USP34: variants seen among roughly 807,000 people sequenced by gnomAD.
The protein encoded by USP34 is ubiquitin carboxyl-terminal hydrolase 34.
In USP34, 70 loss-of-function variants were observed where a neutral mutation model predicts 460.3. The observed-to-expected ratio is 0.15, with a 90% CI of 0.13 to 0.19. The LOEUF is 0.19. USP34 is among the 10% of genes least tolerant of loss of function. The pLI is 1.00. For missense variants in USP34, 3,985 were observed against 4,236.2 expected (o/e 0.94, Z 1.65); for synonymous variants, 1,647 against 1,405.3 (o/e 1.17, Z -3.85).
intron 33 of USP34, among the ~76,000 whole-genome samples, chr2:61,292,046 T>C (rs974114220): frequency 2.6e-5 from 4 of 152,156 alleles, no homozygotes; most frequent in Admixed American, 1.3e-4. Context: ...ATAATGATGG[T>C]TGCCTAGGGC....
At position 61,325,311 on chromosome 2, in the gene USP34, A is replaced by T; in HGVS notation, c.3013+64T>A. 4 of 1,130,570 alleles carry T rather than the reference A, an allele frequency of 3.5e-6. No individual in the cohort carries two copies. The South Asian group carries it at 6.2e-5, about 18-fold the overall frequency. The allele number at this position is 1,130,570 out of a possible 1,614,324, so 70.0% of individuals were successfully genotyped here. ...AAAAAACTGCAGAAATCAGAAGCAA[A>T]AGTAAATTTAGTTCTTCCAATAGTC... is the stretch of plus-strand genomic sequence containing the variant. On this transcript the variant is annotated intron_variant, in intron 21 of 79. Transcript: ENST00000398571.
intron 1 of USP34, among the ~76,000 whole-genome samples, chr2:61,454,646 T>C (rs575383522): frequency 6.6e-6 from 1 of 152,080 alleles, no homozygotes; most frequent in South Asian, 2.1e-4. Context: ...GCCTCCCAAG[T>C]TCAAGTGATT....
chr2:61,385,843 C>T (rs1165497354), intron 5 of USP34, among the ~76,000 whole-genome samples: 1 of 150,262 alleles, frequency 6.7e-6, no homozygotes, highest in Non-Finnish European at 1.5e-5. Flanking sequence ...AACACAAAAA[C>T]AAATGAGCCA....
At chr2:61,204,798 TCATTTGGAAA>T (rs1244576314) in intron 72 of USP34, among the ~76,000 whole-genome samples, 197 bp from the exon 73 acceptor site, 1 of 152,202 alleles carries the variant, frequency 6.6e-6, no homozygotes, top group Non-Finnish European at 1.5e-5. Context: ...CAATAGGGCA[TCATTTGGAAA>T]CAAAAGATTA....
In USP34 at chr2:61,229,676, G is replaced by T. The variant is rs191884228; in HGVS notation, c.7114-43C>A. ...GATCAAACAAGAGCCAACTCATCAG[G>T]TAACAAAGATTTGAAAAATTAACAT... On this transcript the variant is annotated intron_variant, in intron 58 of 79. Coordinates refer to ENST00000398571, the MANE Select transcript of USP34 (RefSeq NM_014709.4). The T allele has an allele frequency of 7.2e-6, 11 of 1,517,310 alleles. No homozygotes were observed. The Admixed American group carries it at 2.1e-4, about 29-fold the overall frequency. The allele number at this position is 1,517,310 out of a possible 1,614,324, so 94.0% of individuals were successfully genotyped here.
chr2:61,308,382 A>G (rs1347058239), intron 27 of USP34, among the ~76,000 whole-genome samples: 3 of 152,166 alleles, frequency 2.0e-5, no homozygotes, highest in African/African-American at 7.2e-5. Context: ...TAGAAATGAA[A>G]AACTCAGTAG....
chr2:61,461,294 G>A (rs184412971), intron 1 of USP34, among the ~76,000 whole-genome samples: 35 of 151,966 alleles, frequency 2.3e-4, no homozygotes, highest in Admixed American at 1.8e-3. Flanking sequence ...TCGGGAGTCT[G>A]AGGCAGGAGA....
At chr2:61,340,443 T>C (rs916171299) in intron 16 of USP34, among the ~76,000 whole-genome samples, 3 of 152,208 alleles carry the variant, frequency 2.0e-5, no homozygotes, top group Admixed American at 1.3e-4. Flanking sequence ...CACTGAGTCA[T>C]AAGGTATTAT....
At chr2:61,308,078 CAGAA>C (rs1690469711) in intron 27 of USP34, among the ~76,000 whole-genome samples, 1 of 151,576 alleles carries the variant, frequency 6.6e-6, no homozygotes, top group East Asian at 1.9e-4. Context: ...AACAAAGTAA[CAGAA>C]AGAAAGGGGG....
At chr2:61,464,930 T>C (rs1695717582) in intron 1 of USP34, among the ~76,000 whole-genome samples, 1 of 152,046 alleles carries the variant, frequency 6.6e-6, no homozygotes, top group African/African-American at 2.4e-5. Context: ...CAAAAGCAGT[T>C]ATCAGACAAA....
intron 76 of USP34, among the ~76,000 whole-genome samples, chr2:61,192,509 G>A (rs890097322): frequency 3.9e-5 from 6 of 152,202 alleles, no homozygotes; most frequent in Non-Finnish European, 8.8e-5. Flanking sequence ...ACTGCTGACA[G>A]GGTTTCTGCT....
At chr2:61,459,246 C>A (rs1695526929) in intron 1 of USP34, among the ~76,000 whole-genome samples, 1 of 152,068 alleles carries the variant, frequency 6.6e-6, no homozygotes, top group African/African-American at 2.4e-5. Flanking sequence ...GAAATAAGCA[C>A]AACTAAATTC....
At chr2:61,190,168 G>T in intron 78 of USP34, 103 bp downstream of exon 78, 1 of 1,465,892 alleles carries the variant, frequency 6.8e-7, no homozygotes, top group Non-Finnish European at 9.1e-7. Flanking sequence ...TTAAGAGTTT[G>T]AATCAGTAAG....
In USP34 at chr2:61,223,176, A is replaced by G; in HGVS notation, c.7645-12T>C. On this transcript the variant is annotated splice_polypyrimidine_tract_variant and intron_variant, in intron 63 of 79. Transcript: ENST00000398571. ...AAGAAGGGAAATCCCTGTCAAAAGC[A>G]AAAGTTGTTCATTTAAGAACCGTTA... The G allele has an allele frequency of 6.2e-7, 1 of 1,613,492 alleles. No individual in the cohort carries two copies. Among genetic ancestry groups the G allele is most frequent in the East Asian group, 2.2e-5 (1 of 44,858 alleles).
chr2:61,417,719 C>A, intron 2 of USP34, among the ~76,000 whole-genome samples: 1 of 130,758 alleles, frequency 7.6e-6, no homozygotes, highest in African/African-American at 2.8e-5. Context: ...ATACTAAAAT[C>A]TTTTTTTTTT....
chr2:61,251,938 G>A lies in USP34; in HGVS notation c.6222-3255C>T, dbSNP rs77454745. On this transcript the variant is annotated intron_variant, in intron 48 of 79. Transcript: ENST00000398571. ...TGTTTCATCTTTCCGTACTCAATTCGGTTGTTAAATAAACATTTTAATTTG... is the reference window on the plus strand; with the variant it reads ...TGTTTCATCTTTCCGTACTCAATTCAGTTGTTAAATAAACATTTTAATTTG... Among the ~76,000 whole-genome samples the A allele has an allele frequency of 4.6e-4, 70 of 151,344 alleles. 1 individual carries two copies. The East Asian group carries it at 0.013, about 27-fold the overall frequency.
intron 15 of USP34, 150 bp from the exon 16 acceptor site, chr2:61,344,179 A>C (rs1181769180): frequency 5.8e-6 from 4 of 691,822 alleles, no homozygotes; most frequent in Admixed American, 3.0e-5. Flanking sequence ...GAGCTTTACG[A>C]AACTGAAAAC....
intron 20 of USP34, among the ~76,000 whole-genome samples, chr2:61,325,918 C>A (rs1056511379): frequency 6.6e-6 from 1 of 152,096 alleles, no homozygotes; most frequent in African/African-American, 2.4e-5. Context: ...AGAGCTGATA[C>A]AAAATTTGTA....
intron 5 of USP34, among the ~76,000 whole-genome samples, chr2:61,388,764 AATATAT>A (rs56090495): frequency 3.4e-5 from 5 of 149,072 alleles, no homozygotes; most frequent in Admixed American, 6.7e-5. Flanking sequence ...TCAGAAAAAG[AATATAT>A]ATATATATAT....
Sources: gnomAD v4.1 joint callset for allele counts (sites outside exome capture counted in the v4.1 genomes callset) on GRCh38, gnomAD v4.1.1 for gene constraint, MANE v1.5 for transcripts, NCBI Gene and HGNC (gene_info 2026-07-23, HGNC 2026-07-21) for gene names.